Variants in MADD observed in about 807,000 individuals in gnomAD.
The protein encoded by MADD is MAP kinase-activating death domain protein.
Under a neutral mutation model 176.7 loss-of-function variants are expected in MADD, and 109 were observed. That is an observed-to-expected ratio of 0.62 (90% CI 0.53 to 0.72). The LOEUF is 0.72. Ranked by LOEUF, MADD falls within the 30% of genes least tolerant of loss-of-function variation. The pLI, the probability that MADD is intolerant of heterozygous loss-of-function variation, is 0.00. For missense variants in MADD, 1,914 were observed against 2,045.5 expected, an observed-to-expected ratio of 0.94 and a Z score of 1.24; for synonymous variants, 771 against 771.3, an observed-to-expected ratio of 1.00 and a Z score of 0.01.
chr11:47,281,645 TC>T lies in MADD; in HGVS notation c.1366del (p.Leu456PhefsTer66). 1 of 1,613,442 alleles carries T rather than the reference TC, an allele frequency of 6.2e-7. No homozygotes were observed. The highest frequency in any genetic ancestry group is 8.5e-7 in the Non-Finnish European group (1 of 1,179,690). On this transcript the variant is annotated frameshift_variant, in exon 8 of 33. Coordinates refer to ENST00000402192, the Ensembl canonical transcript of MADD. LOFTEE classifies it high-confidence loss of function. ...GAGAAATTTCATGAGGGCCAGGAGA[TC>T]CCCCTTCTCTTGGGAAGGCCTTCTA...
chr11:47,328,556 G>A, intron 31 of MADD, 102 bp from the exon 36 acceptor site: 1 of 1,569,130 alleles, frequency 6.4e-7, no homozygotes, highest in Non-Finnish European at 8.6e-7. Flanking sequence ...GGCCACAGAG[G>A]GGAAGGGGAC....
rs1442005699 is a variant in MADD, at chr11:47,286,550, CT to C, written c.2653+20del. 7 of 1,595,272 alleles carry C rather than the reference CT, an allele frequency of 4.4e-6. No homozygotes were observed. The highest frequency in any genetic ancestry group is 6.0e-6 in the Non-Finnish European group (7 of 1,163,200). ...AGTCTGAAAGGTAACTACAGCCTTCCTTTTGCCAAGCCAGGTTTCTCCGGGA... is the reference window on the plus strand; with the variant it reads ...AGTCTGAAAGGTAACTACAGCCTTCCTTTGCCAAGCCAGGTTTCTCCGGGA... On this transcript the variant is annotated intron_variant, in intron 15 of 32. Coordinates refer to ENST00000402192, the Ensembl canonical transcript of MADD.
At position 47,300,539 on chromosome 11, in the gene MADD, T is replaced by G. The variant is rs140325630; in HGVS notation, c.3642+4484T>G. ...TTGAGACAGAGTCTCGCTCTGTTGC[T>G]CAGGCTGGAGTGCAATGGTGTGATG... On this transcript the variant is annotated intron_variant, in intron 22 of 32. Transcript: ENST00000402192. 9.5e-3 allele frequency among the ~76,000 whole-genome samples: 1,420 copies of G among 149,728 alleles called. 11 individuals carry two copies. Among genetic ancestry groups the G allele is most frequent in the Non-Finnish European group, 0.016 (1,101 of 67,428 alleles).
chr11:47,300,001 T>G (rs1156829656), intron 22 of MADD, among the ~76,000 whole-genome samples: 1 of 152,172 alleles, frequency 6.6e-6, no homozygotes, highest in Non-Finnish European at 1.5e-5. Context: ...CCATTCAGTA[T>G]GATGTTGGTT....
chr11:47,324,177 C>T (rs1217889383), intron 28 of MADD, 88 bp from the exon 32 acceptor site: 23 of 1,220,856 alleles, frequency 1.9e-5, no homozygotes, highest in Non-Finnish European at 2.5e-5. Flanking sequence ...CTCACTTCAA[C>T]CTCCAGCCTT....
intron 5 of MADD, 124 bp from the exon 6 acceptor site, chr11:47,278,041 T>C: frequency 1.4e-6 from 1 of 710,216 alleles, no homozygotes; most frequent in South Asian, 1.6e-5. Flanking sequence ...TTCAAATACA[T>C]CTGGCCTCAA....
At chr11:47,269,388 A>G (rs1002006386), upstream of MADD, 2 of 152,438 alleles carry the variant, frequency 1.3e-5, no homozygotes, top group African/African-American at 2.4e-5. Context: ...TTTCAGCGCT[A>G]AGGCGTCGGC....
rs922267183 is a variant in MADD, at chr11:47,276,883, C to A, written c.1095+20C>A. 6.3e-7 allele frequency: 1 copy of A among 1,599,102 alleles called. No individual in the cohort carries two copies. The highest frequency in any genetic ancestry group is 1.1e-5 in the South Asian group (1 of 90,648). ...GAGCAGGTGAGTCTCAAGGCGACTT[C>A]CGGCTTTCTCACCTCTGTCTTCCTG... On this transcript the variant is annotated intron_variant, in intron 5 of 32. Coordinates refer to ENST00000402192, the Ensembl canonical transcript of MADD.
intron 25 of MADD, among the ~76,000 whole-genome samples, chr11:47,310,041 C>T (rs2086905439): frequency 6.6e-6 from 1 of 151,636 alleles, no homozygotes; most frequent in African/African-American, 2.4e-5. Flanking sequence ...AGGGTTTCAC[C>T]ATGTTGGCCA....
chr11:47,321,073 A>G (rs2094393251), intron 27 of MADD, among the ~76,000 whole-genome samples: 1 of 152,210 alleles, frequency 6.6e-6, no homozygotes, highest in South Asian at 2.1e-4. Flanking sequence ...GATTTTGCCA[A>G]ATTGCCATCC....
intron 20 of MADD, 94 bp downstream of exon 22, chr11:47,294,077 C>T (rs191288619): frequency 5.5e-5 from 58 of 1,047,752 alleles, no homozygotes; most frequent in Non-Finnish European, 7.9e-5. Context: ...CAGCCGGGCA[C>T]AGTGGCTCAT....
At position 47,292,526 on chromosome 11, in the gene MADD, C is replaced by T. The variant is rs2066232780; in HGVS notation, c.3302-1357C>T. On this transcript the variant is annotated intron_variant, in intron 19 of 32. Transcript: ENST00000402192. Reference sequence around the variant, plus strand: ...ACTTTCTGTCTTTCTCTCCTGCTTGCATTGCATCTGGGGTAGAATTGTGGA... The same window carrying T: ...ACTTTCTGTCTTTCTCTCCTGCTTGTATTGCATCTGGGGTAGAATTGTGGA... The T allele has an allele frequency of 1.2e-6, 2 of 1,612,640 alleles. No homozygotes were observed. Among genetic ancestry groups the T allele is most frequent in the Non-Finnish European group, 1.7e-6 (2 of 1,178,970 alleles).
intron 22 of MADD, among the ~76,000 whole-genome samples, chr11:47,308,379 A>G (rs2084862093): frequency 6.6e-6 from 1 of 152,204 alleles, no homozygotes; most frequent in African/African-American, 2.4e-5. Flanking sequence ...GAGACTAAGG[A>G]GTAAAGATAA....
intron 22 of MADD, among the ~76,000 whole-genome samples, chr11:47,306,389 A>G (rs1275169425): frequency 6.6e-6 from 1 of 152,226 alleles, no homozygotes; most frequent in African/African-American, 2.4e-5. Flanking sequence ...CCAAGATGGC[A>G]TAGCACAGTA....
exon 33 of MADD, chr11:47,329,208 C>A: frequency 7.9e-7 from 1 of 1,258,788 alleles, no homozygotes; most frequent in Non-Finnish European, 1.2e-6. Flanking sequence ...CCTTGCTGTT[C>A]CCAAGTGCAC....
At chr11:47,284,511 C>T (rs777431435) in exon 12 of MADD, 30 of 1,614,124 alleles carry the variant, frequency 1.9e-5, no homozygotes, top group Non-Finnish European at 2.5e-5. Context: ...TGCGCTCCAG[C>T]TCTAGCACCA....
At chr11:47,324,892 G>A in intron 30 of MADD, 2 of 605,772 alleles carry the variant, frequency 3.3e-6, no homozygotes, top group South Asian at 3.9e-5. Context: ...TTCCCCTGCA[G>A]TGTCTCTGCC....
chr11:47,325,872 A>C lies in MADD; in HGVS notation c.4543-866A>C, dbSNP rs1473979989. 1.3e-5 allele frequency among the ~76,000 whole-genome samples: 2 copies of C among 152,184 alleles called. No homozygotes were observed. Among genetic ancestry groups the C allele is most frequent in the East Asian group, 3.8e-4 (2 of 5,198 alleles). ...CTGTGGTTGAAGGCTTGGCCCCTAGAAGATAGACTGCAGAGAAGGGGAGGA... is the reference window on the plus strand; with the variant it reads ...CTGTGGTTGAAGGCTTGGCCCCTAGCAGATAGACTGCAGAGAAGGGGAGGA... On this transcript the variant is annotated intron_variant, in intron 30 of 32. Transcript: ENST00000402192. This position sits in a 1 kb window ranked among gnomAD's most constrained non-coding sequence, Gnocchi z 4.5.
intron 15 of MADD, 26 bp downstream of exon 16, chr11:47,289,053 T>C: frequency 6.4e-7 from 1 of 1,571,578 alleles, no homozygotes; most frequent in Non-Finnish European, 8.6e-7. Context: ...GAGCTGTGCA[T>C]GATCTTTTTT....
Sources: allele counts gnomAD v4.1 joint callset (sites outside exome capture counted in the v4.1 genomes callset), GRCh38; gene constraint gnomAD v4.1.1; non-coding constraint Gnocchi (gnomAD v3.1); transcripts MANE v1.5; gene names NCBI Gene and HGNC (gene_info 2026-07-23, HGNC 2026-07-21).